Variants in LAMA2 observed in about 807,000 individuals in gnomAD.
LAMA2 encodes the protein laminin subunit alpha 2.
In LAMA2, 269 loss-of-function variants were observed where a neutral mutation model predicts 364.8. That is an observed-to-expected ratio of 0.74 (90% CI 0.67 to 0.82). The LOEUF (loss-of-function observed/expected upper bound fraction) is 0.82, where lower values mean the gene tolerates loss of function less well. Ranked by LOEUF, LAMA2 falls within the 40% of genes least tolerant of loss-of-function variation. The pLI, the probability that LAMA2 is intolerant of heterozygous loss-of-function variation, is 0.00. For synonymous variants in LAMA2, 1,379 were observed against 1,370.6 expected (o/e 1.01, Z -0.14); for missense variants, 3,807 against 3,873.2 (o/e 0.98, Z 0.45).
intron 8 of LAMA2, among the ~76,000 whole-genome samples, chr6:129,164,921 A>G (rs1779648011): frequency 6.6e-6 from 1 of 152,218 alleles, no homozygotes; most frequent in South Asian, 2.1e-4. Flanking sequence ...TTTAATTTAT[A>G]TGTGTATATA....
chr6:129,169,855 A>T (rs1780017285), intron 9 of LAMA2, among the ~76,000 whole-genome samples: 1 of 145,026 alleles, frequency 6.9e-6, no homozygotes, highest in South Asian at 2.2e-4. Context: ...TTATTGGTCT[A>T]TTCAGAGATT....
In LAMA2 at chr6:129,170,681, G is replaced by A. The variant is rs568316736; in HGVS notation, c.1306+5006G>A. Among the ~76,000 whole-genome samples, 1,438 of 152,108 alleles carry A rather than the reference G, an allele frequency of 9.5e-3. 21 individuals carry two copies. The highest frequency in any genetic ancestry group is 0.033 in the African/African-American group (1,364 of 41,456). On this transcript the variant is annotated intron_variant, in intron 9 of 64. Transcript: ENST00000421865. ...AGTTCTGTAGATGTTTATTAGGTCC[G>A]CTTGGTGCAGAGCTGTGTTCAATTC...
chr6:129,366,928 G>A (rs1233475283), intron 33 of LAMA2, among the ~76,000 whole-genome samples: 2 of 152,208 alleles, frequency 1.3e-5, no homozygotes, highest in African/African-American at 4.8e-5. Context: ...AACGTGCTCA[G>A]TCTGCCATAG....
chr6:129,365,024 A>C (rs1777682040), intron 32 of LAMA2, among the ~76,000 whole-genome samples: 1 of 152,154 alleles, frequency 6.6e-6, no homozygotes, highest in Non-Finnish European at 1.5e-5. Context: ...AAGCCATTAA[A>C]ACCACTCCAG....
intron 3 of LAMA2, among the ~76,000 whole-genome samples, chr6:129,097,386 C>CT (rs1775249752): frequency 6.6e-6 from 1 of 152,140 alleles, no homozygotes; most frequent in Non-Finnish European, 1.5e-5. Flanking sequence ...TAGAATATTT[C>CT]TTTTTTTACG....
chr6:129,276,240 G>A (rs1788320210), intron 17 of LAMA2, among the ~76,000 whole-genome samples: 1 of 151,974 alleles, frequency 6.6e-6, no homozygotes, highest in Non-Finnish European at 1.5e-5. Context: ...CTACCCAACT[G>A]TTCAAGATAA....
At chr6:129,015,413 T>C (rs927671646) in intron 1 of LAMA2, among the ~76,000 whole-genome samples, 6 of 152,124 alleles carry the variant, frequency 3.9e-5, no homozygotes, top group Admixed American at 2.6e-4. Context: ...CCAGTTTATC[T>C]GTGTTATGGA....
At chr6:129,378,368 A>G (rs1778491349) in intron 34 of LAMA2, among the ~76,000 whole-genome samples, 2 of 152,188 alleles carry the variant, frequency 1.3e-5, no homozygotes. Flanking sequence ...ATTTTTGTGA[A>G]TTTTGCTTTG....
intron 1 of LAMA2, among the ~76,000 whole-genome samples, chr6:129,048,600 TCCTTTCTC>T (rs1197841264): frequency 3.1e-5 from 1 of 32,212 alleles, no homozygotes. Flanking sequence ...CTTCCTTCCT[TCCTTTCTC>T]TCTCTCTCTC....
At chr6:129,408,564 G>A (rs1780364963) in intron 40 of LAMA2, among the ~76,000 whole-genome samples, 1 of 152,188 alleles carries the variant, frequency 6.6e-6, no homozygotes. Flanking sequence ...TCCAGAATAA[G>A]TGCCTATTCC....
At chr6:129,455,567 T>C (rs1196010414) in intron 47 of LAMA2, among the ~76,000 whole-genome samples, 1 of 152,166 alleles carries the variant, frequency 6.6e-6, no homozygotes, top group Non-Finnish European at 1.5e-5. Flanking sequence ...CAGGGAAATA[T>C]GACATCGAAG....
chr6:129,383,049 G>A (rs1778783677), intron 34 of LAMA2, 73 bp from the exon 35 acceptor site: 2 of 1,215,302 alleles, frequency 1.6e-6, no homozygotes, highest in Admixed American at 1.8e-5. Context: ...AGAAAATGCA[G>A]CCAGTGGGAG....
At chr6:128,925,298 G>A (rs939994804) in intron 1 of LAMA2, among the ~76,000 whole-genome samples, 2 of 152,162 alleles carry the variant, frequency 1.3e-5, no homozygotes, top group Non-Finnish European at 2.9e-5. Flanking sequence ...ATAAAATGTT[G>A]TGCATGTATA....
Position 129,192,846 on chromosome 6 carries a change from G to C in LAMA2, c.1775G>C (p.Gly592Ala). ...TGGAGCGCGCCGGCTCCCTATCTGG[G>C]AAACAAAGTAAGTCCACGCTTGCTT... ...YYWSAPAPYL[G>A]NKLPAVGGQL... Residue 592 changes from glycine to alanine, a missense_variant, in exon 12 of 65, where the codon GGA (glycine) becomes GCA (alanine). Transcript: ENST00000421865. 1 of 1,613,906 alleles carries C rather than the reference G, an allele frequency of 6.2e-7. No homozygotes were observed. The highest frequency in any genetic ancestry group is 1.7e-4 in the Middle Eastern group (1 of 6,052).
intron 4 of LAMA2, among the ~76,000 whole-genome samples, chr6:129,105,948 G>A (rs550884510): frequency 6.2e-4 from 94 of 152,088 alleles, no homozygotes; most frequent in African/African-American, 2.0e-3. Flanking sequence ...CTAAATATTC[G>A]TGGTTACCAT....
Position 129,096,238 on chromosome 6 carries a change from G to C in LAMA2, c.397-1935G>C, listed in dbSNP as rs560033228. Among the ~76,000 whole-genome samples, 113 of 152,284 alleles carry C rather than the reference G, an allele frequency of 7.4e-4. 1 individual carries two copies. The highest frequency in any genetic ancestry group is 2.6e-3 in the African/African-American group (110 of 41,558). The stretch of plus-strand genomic sequence containing the variant: ...GCATAAGTAGCAAATATCTTTTATA[G>C]TGGTTGATGTAACATATTCTATGTT... On this transcript the variant is annotated intron_variant, in intron 3 of 64. Coordinates refer to ENST00000421865, the MANE Select transcript of LAMA2 (RefSeq NM_000426.4).
chr6:129,457,073 G>A (rs1019342591), intron 48 of LAMA2, among the ~76,000 whole-genome samples: 53 of 152,244 alleles, frequency 3.5e-4, no homozygotes, highest in African/African-American at 1.3e-3. Flanking sequence ...GGAATTAGGT[G>A]TTGGGAAACC....
chr6:129,167,482 G>T (rs1393554526), intron 9 of LAMA2, among the ~76,000 whole-genome samples: 1 of 151,922 alleles, frequency 6.6e-6, no homozygotes, highest in African/African-American at 2.4e-5. Flanking sequence ...CCCTACAAAG[G>T]ACATGAACTC....
intron 11 of LAMA2, among the ~76,000 whole-genome samples, chr6:129,191,385 C>T (rs535543621): frequency 6.6e-6 from 1 of 152,186 alleles, no homozygotes; most frequent in Non-Finnish European, 1.5e-5. Context: ...AACTGTATTG[C>T]TTTCAGAGCA....
Sources: gnomAD v4.1 joint callset for allele counts (sites outside exome capture counted in the v4.1 genomes callset) on GRCh38, gnomAD v4.1.1 for gene constraint, MANE v1.5 for transcripts, NCBI Gene and HGNC (gene_info 2026-07-23, HGNC 2026-07-21) for gene names.